Variants in PGS1 observed in about 807,000 individuals in gnomAD.
The protein encoded by PGS1 is phosphatidylglycerophosphate synthase 1.
Under a neutral mutation model 58.3 loss-of-function variants are expected in PGS1, and 44 were observed. That is an observed-to-expected ratio of 0.75 (90% CI 0.59 to 0.97). The LOEUF is 0.97. Among genes scored for constraint, PGS1 ranks in the 50% least tolerant of loss-of-function variants. The probability of loss-of-function intolerance (pLI) is 0.00; values close to 1 mark genes in which losing one functional copy is unlikely to be tolerated. For synonymous variants in PGS1, 330 were observed against 311.0 expected (o/e 1.06, Z -0.64); for missense variants, 684 against 731.1 (o/e 0.94, Z 0.74).
intron 7 of PGS1, among the ~76,000 whole-genome samples, 188 bp from the exon 8 acceptor site, chr17:78,414,691 C>A (rs577409090): frequency 1.5e-4 from 23 of 152,262 alleles, no homozygotes; most frequent in African/African-American, 4.6e-4. Context: ...TGGGTCCCTG[C>A]TTCCTGCCGC....
At chr17:78,388,283 G>A (rs924019948) in intron 1 of PGS1, among the ~76,000 whole-genome samples, 1 of 152,200 alleles carries the variant, frequency 6.6e-6, no homozygotes, top group East Asian at 1.9e-4. Context: ...GTGGGTCTCC[G>A]CAGGTAGGAC....
chr17:78,402,337 C>G (rs935846818), intron 6 of PGS1, among the ~76,000 whole-genome samples: 1 of 152,092 alleles, frequency 6.6e-6, no homozygotes, highest in African/African-American at 2.4e-5. Flanking sequence ...ATCAGACAAT[C>G]AACTTTGGAC....
chr17:78,387,598 CTTT>C (rs34252361), intron 1 of PGS1, among the ~76,000 whole-genome samples: 9 of 104,230 alleles, frequency 8.6e-5, no homozygotes, highest in Admixed American at 3.5e-4. Context: ...CGCGCCCAGC[CTTT>C]TTTTTTTTTT....
chr17:78,392,470 A>G lies in PGS1; in HGVS notation c.144-6A>G. The G allele has an allele frequency of 2.5e-6, 4 of 1,604,384 alleles. No homozygotes were observed. The highest frequency in any genetic ancestry group is 3.4e-6 in the Non-Finnish European group (4 of 1,175,430). On this transcript the variant is annotated splice_polypyrimidine_tract_variant and splice_region_variant and intron_variant, in intron 1 of 9. Transcript: ENST00000262764. ...GTGTGACCCAGTTGCATATTTCTTT[A>G]ACCAGGTCACCATGGCTGTTATTGG...
chr17:78,411,293 G>A (rs191851670), intron 7 of PGS1, among the ~76,000 whole-genome samples: 12 of 152,316 alleles, frequency 7.9e-5, no homozygotes, highest in Admixed American at 1.3e-4. Flanking sequence ...GCCATGGCAC[G>A]CTGCCATGGA....
intron 1 of PGS1, among the ~76,000 whole-genome samples, chr17:78,388,691 C>T (rs1207824108): frequency 1.3e-5 from 2 of 152,074 alleles, no homozygotes; most frequent in Non-Finnish European, 2.9e-5. Context: ...CTGAAACACC[C>T]TCCCCTCTGA....
chr17:78,422,865 G>T (rs1182750294), intron 9 of PGS1, among the ~76,000 whole-genome samples: 1 of 152,142 alleles, frequency 6.6e-6, no homozygotes, highest in Non-Finnish European at 1.5e-5. Context: ...GGAGGCCGAG[G>T]TTGGTGAATC....
intron 7 of PGS1, among the ~76,000 whole-genome samples, chr17:78,405,335 A>G (rs1434455890): frequency 1.3e-5 from 2 of 152,074 alleles, no homozygotes; most frequent in Non-Finnish European, 2.9e-5. Flanking sequence ...TTCATTAGGG[A>G]TCATTTGTTT....
In PGS1 at chr17:78,424,250, A is replaced by G; in HGVS notation, c.*200A>G. ...GGTCCTCACACTCCCCGCCCTCTGC[A>G]GAGCTGGGCTCTACCCCAAAAGGCT... On this transcript the variant is annotated 3_prime_UTR_variant, in exon 10 of 10. Transcript: ENST00000262764. 6.9e-7 allele frequency: 1 copy of G among 1,442,656 alleles called. No homozygotes were observed. Among genetic ancestry groups the G allele is most frequent in the Admixed American group, 2.4e-5 (1 of 41,576 alleles). The allele number at this position is 1,442,656 out of a possible 1,614,324, so 89.4% of individuals were successfully genotyped here.
At chr17:78,418,468 G>T (rs1316181275) in intron 8 of PGS1, among the ~76,000 whole-genome samples, 1 of 152,072 alleles carries the variant, frequency 6.6e-6, no homozygotes, top group Non-Finnish European at 1.5e-5. Flanking sequence ...GCCGATTTCT[G>T]GGCACTTTCC....
chr17:78,409,914 C>A (rs1275444524), intron 7 of PGS1, among the ~76,000 whole-genome samples: 1 of 152,132 alleles, frequency 6.6e-6, no homozygotes, highest in African/African-American at 2.4e-5. Flanking sequence ...AGTTTGAGAC[C>A]AATCTGGCCA....
chr17:78,419,129 T>C (rs537349620), intron 8 of PGS1, among the ~76,000 whole-genome samples: 1 of 152,200 alleles, frequency 6.6e-6, no homozygotes, highest in East Asian at 1.9e-4. Flanking sequence ...TACCTCAGCC[T>C]CCCAAGTTGC....
intron 9 of PGS1, 143 bp from the exon 10 acceptor site, chr17:78,423,918 G>T: frequency 6.2e-7 from 1 of 1,613,944 alleles, no homozygotes; most frequent in South Asian, 1.1e-5. Flanking sequence ...AAACCTGTAG[G>T]AGCAGCGCCA....
At chr17:78,380,681 G>T (rs753224955) in intron 1 of PGS1, among the ~76,000 whole-genome samples, 1 of 152,148 alleles carries the variant, frequency 6.6e-6, no homozygotes, top group Non-Finnish European at 1.5e-5. Context: ...TTGAAGACAA[G>T]ATTTAGGTGA....
chr17:78,388,438 G>A (rs1168639279), intron 1 of PGS1, among the ~76,000 whole-genome samples: 6 of 152,056 alleles, frequency 3.9e-5, no homozygotes, highest in Non-Finnish European at 8.8e-5. Flanking sequence ...AGGGTCACGC[G>A]ATCGTCCCCC....
chr17:78,416,527 C>T (rs937010368), intron 8 of PGS1, among the ~76,000 whole-genome samples: 4 of 152,290 alleles, frequency 2.6e-5, no homozygotes, highest in Admixed American at 6.5e-5. Context: ...TGGTACTGAC[C>T]GTCCTCCCCC....
At chr17:78,407,285 C>T (rs1247062007) in intron 7 of PGS1, among the ~76,000 whole-genome samples, 5 of 152,164 alleles carry the variant, frequency 3.3e-5, no homozygotes, top group Non-Finnish European at 7.3e-5. Flanking sequence ...GGTCAGAGGT[C>T]ACTTGATGCT....
chr17:78,390,728 C>T (rs7222111), intron 1 of PGS1, among the ~76,000 whole-genome samples: 22,966 of 152,092 alleles, frequency 0.15, 2,048 homozygotes, highest in African/African-American at 0.25. Context: ...TGTGCGGTCC[C>T]TCCACCCCCA....
At chr17:78,411,608 C>G (rs181992256) in intron 7 of PGS1, among the ~76,000 whole-genome samples, 57 of 152,328 alleles carry the variant, frequency 3.7e-4, no homozygotes, top group African/African-American at 1.3e-3. Flanking sequence ...CAGAGGGCTG[C>G]TTCCTCCCTC....
Sources: allele counts gnomAD v4.1 joint callset (sites outside exome capture counted in the v4.1 genomes callset), GRCh38; gene constraint gnomAD v4.1.1; transcripts MANE v1.5; gene names NCBI Gene and HGNC (gene_info 2026-07-23, HGNC 2026-07-21).